GNAS: variants seen among roughly 807,000 people sequenced by gnomAD.
GNAS encodes the protein GNAS complex locus.
In GNAS, 8 loss-of-function variants were observed where a neutral mutation model predicts 54.5. The ratio of observed to expected loss-of-function variants is 0.15; its 90% CI spans 0.09 to 0.26. GNAS has a LOEUF of 0.26. Among genes scored for constraint, GNAS ranks in the 10% least tolerant of loss-of-function variants. The probability of loss-of-function intolerance (pLI) is 1.00; values close to 1 mark genes in which losing one functional copy is unlikely to be tolerated. For missense variants in GNAS, 170 were observed against 529.8 expected, an observed-to-expected ratio of 0.32 and a Z score of 6.67; for synonymous variants, 204 against 191.4, an observed-to-expected ratio of 1.07 and a Z score of -0.54.
rs1195822799 is a variant in GNAS, at chr20:58,853,008, G to GGGCA, written c.43+12124_43+12127dup. The GGGCA allele has an allele frequency of 7.8e-7, 1 of 1,287,938 alleles. No homozygotes were observed. Among genetic ancestry groups the GGGCA allele is most frequent in the African/African-American group, 1.5e-5 (1 of 66,728 alleles). 79.8% of individuals were successfully genotyped at this position (1,287,938 alleles called of 1,614,324 possible). On this transcript the variant is annotated intron_variant, in intron 1 of 12. Transcript: ENST00000306090. The surrounding 1 kb of genome is among the most constrained non-coding windows in gnomAD (Gnocchi z 4.4). ...GATAGACCAAGGAAGAGGGGCTGGG[G>GGGCA]GGCAGCCTGGGGGCATGAAAAGTGG... is the stretch of plus-strand genomic sequence containing the variant.
rs1414830637 is a variant in GNAS at position 58,857,673 on chromosome 20, T to C, written c.43+16787T>C. Among the ~76,000 whole-genome samples the C allele has an allele frequency of 6.6e-6, 1 of 152,000 alleles. No homozygotes were observed. The highest frequency in any genetic ancestry group is 1.5e-5 in the Non-Finnish European group (1 of 67,986). On this transcript the variant is annotated intron_variant, in intron 1 of 12. Coordinates refer to the GNAS transcript ENST00000306090. This position sits in a 1 kb window ranked among gnomAD's most constrained non-coding sequence, Gnocchi z 4.1. ...TTCTATTCTTCCTGGAGGTGGGGGGTGGAGGAGACACAGTCTACTTACATC... is the reference window on the plus strand; with the variant it reads ...TTCTATTCTTCCTGGAGGTGGGGGGCGGAGGAGACACAGTCTACTTACATC...
chr20:58,869,130 C>CG (rs1664702969), intron 1 of GNAS, among the ~76,000 whole-genome samples: 1 of 152,206 alleles, frequency 6.6e-6, no homozygotes, highest in Admixed American at 6.5e-5. Context: ...GGAAAGCACA[C>CG]GATCAGGTAA....
chr20:58,855,497 C>T (rs2086441271), intron 1 of GNAS: 3 of 751,080 alleles, frequency 4.0e-6, no homozygotes, highest in South Asian at 1.5e-5. Flanking sequence ...CCTAACTGCC[C>T]TGGGAGCGGG....
Position 58,841,553 on chromosome 20 carries a change from C to A in GNAS, c.43+667C>A, listed in dbSNP as rs2085728724. On this transcript the variant is annotated intron_variant, in intron 1 of 12. Coordinates refer to the GNAS transcript ENST00000306090. This position sits in a 1 kb window ranked among gnomAD's most constrained non-coding sequence, Gnocchi z 5.0. ...AGCTGCCGTGCGCCAGCCTTGGCCG[C>A]CACAGCCCGCCTCCCGTCGCTCGCG... is the stretch of plus-strand genomic sequence containing the variant. The A allele has an allele frequency of 1.0e-6, 1 of 997,398 alleles. No individual in the cohort carries two copies. The highest frequency in any genetic ancestry group is 1.2e-6 in the Non-Finnish European group (1 of 838,398). 61.8% of individuals were successfully genotyped at this position (997,398 alleles called of 1,614,324 possible).
intron 1 of GNAS, among the ~76,000 whole-genome samples, chr20:58,844,782 T>C (rs1023149148): frequency 6.6e-6 from 1 of 151,162 alleles, no homozygotes; most frequent in Non-Finnish European, 1.5e-5. Context: ...CGGCCTACAG[T>C]GTGAGACTCC....
chr20:58,880,087 T>C (rs754848083), intron 1 of GNAS, among the ~76,000 whole-genome samples: 1 of 152,154 alleles, frequency 6.6e-6, no homozygotes. Flanking sequence ...TTAGACTCTC[T>C]TGGCTGGAAT....
chr20:58,909,820 G>A lies in GNAS; in HGVS notation c.839+16G>A, dbSNP rs776213233. On this transcript the variant is annotated intron_variant, in intron 10 of 12. Transcript: ENST00000371085. The surrounding 1 kb of genome is among the most constrained non-coding windows in gnomAD (Gnocchi z 7.3). ...GGAACAACAGGTTTGTGGAGTGACC[G>A]CCCACCCCCTGCGCTTGCCCAGGAG... 5.0e-6 allele frequency: 8 copies of A among 1,612,626 alleles called. No individual in the cohort carries two copies. The East Asian group carries it at 6.7e-5, about 13-fold the overall frequency.
At position 58,909,356 on chromosome 20, in the gene GNAS, C is replaced by G. The variant is rs2146270243; in HGVS notation, c.592C>G (p.Leu198Val). The change falls in exon 8 of 13, where the codon CTT becomes GTT. Residue 198 changes from leucine (L) to valine (V), a missense_variant. Transcript: ENST00000371085. The surrounding 1 kb of genome is among the most constrained non-coding windows in gnomAD (Gnocchi z 7.3). ...ADYVPSDQDLLRCRVLTSGIF... is the reference protein window; with the variant it reads ...ADYVPSDQDLVRCRVLTSGIF... The stretch of plus-strand genomic sequence containing the variant: ...GACCTCAATTTTGTTTCAGGACCTG[C>G]TTCGCTGCCGTGTCCTGACTTCTGG... The G allele has an allele frequency of 4.3e-6, 7 of 1,613,176 alleles. No individual in the cohort carries two copies. The highest frequency in any genetic ancestry group is 5.9e-6 in the Non-Finnish European group (7 of 1,179,100).
chr20:58,853,091 G>T lies in GNAS; in HGVS notation c.43+12205G>T. ...TTGAGTTGCTTCAGCCTCAGTCTAG[G>T]GTTCCTTCCAGGCCTTGAACCCCCC... On this transcript the variant is annotated intron_variant, in intron 1 of 12. Coordinates refer to the GNAS transcript ENST00000306090. This position sits in a 1 kb window ranked among gnomAD's most constrained non-coding sequence, Gnocchi z 4.4. The T allele has an allele frequency of 2.1e-6, 3 of 1,415,330 alleles. No homozygotes were observed. In the South Asian group the frequency reaches 4.8e-5, roughly 23 times the overall value. 87.7% of individuals were successfully genotyped at this position (1,415,330 alleles called of 1,614,324 possible). A position where few individuals can be genotyped will look rare whatever the true frequency, so the allele number is the denominator to read the frequency against.
In GNAS at chr20:58,910,953, G is replaced by A. The variant is rs761164468; in HGVS notation, c.*124G>A. The A allele has an allele frequency of 3.7e-5, 37 of 994,878 alleles. No individual in the cohort carries two copies. Among genetic ancestry groups the A allele is most frequent in the African/African-American group, 9.5e-5 (6 of 62,976 alleles). The allele number at this position is 994,878 out of a possible 1,614,324, so 61.6% of individuals were successfully genotyped here. On this transcript the variant is annotated 3_prime_UTR_variant, in exon 13 of 13. Coordinates refer to ENST00000371085, the MANE Select transcript of GNAS (RefSeq NM_000516.7). The surrounding 1 kb of genome is among the most constrained non-coding windows in gnomAD (Gnocchi z 5.8). ...AACAAAGCAACCTTTCCCTTCCCCC[G>A]AGTGATTTTGCGAAACCCCCTTTTC... is the stretch of plus-strand genomic sequence containing the variant.
chr20:58,847,575 T>C (rs1568916346), intron 1 of GNAS, among the ~76,000 whole-genome samples: 1 of 152,270 alleles, frequency 6.6e-6, no homozygotes, highest in African/African-American at 2.4e-5. Context: ...TTTCTGCTTT[T>C]ACTTTTTCCT....
At chr20:58,854,841 A>T (rs1334170837) in intron 1 of GNAS, 1 of 1,596,736 alleles carries the variant, frequency 6.3e-7, no homozygotes, top group East Asian at 2.3e-5. Flanking sequence ...CAGACGCAAG[A>T]TCCATCTCAG....
chr20:58,887,773 T>A (rs183765447), upstream of GNAS, among the ~76,000 whole-genome samples: 1 of 152,336 alleles, frequency 6.6e-6, no homozygotes, highest in East Asian at 1.9e-4. Context: ...CTGTTCTTAA[T>A]TCCAAGTGTT....
rs1204534994 is a variant in GNAS at position 58,910,093 on chromosome 20, T to C, written c.970+12T>C. ...TACTCCTGAGGATGGTGTGTATGGCTTCCACTCTTGCTGGCTGTTCATTGC... is the reference window on the plus strand; with the variant it reads ...TACTCCTGAGGATGGTGTGTATGGCCTCCACTCTTGCTGGCTGTTCATTGC... On this transcript the variant is annotated intron_variant, in intron 11 of 12. Coordinates refer to ENST00000371085, the MANE Select transcript of GNAS (RefSeq NM_000516.7). This position sits in a 1 kb window ranked among gnomAD's most constrained non-coding sequence, Gnocchi z 5.8. The C allele has an allele frequency of 6.2e-7, 1 of 1,613,560 alleles. No homozygotes were observed. Among genetic ancestry groups the C allele is most frequent in the African/African-American group, 1.3e-5 (1 of 75,022 alleles).
intron 1 of GNAS, among the ~76,000 whole-genome samples, chr20:58,858,951 A>T (rs955358208): frequency 1.3e-5 from 2 of 152,198 alleles, no homozygotes; most frequent in Non-Finnish European, 2.9e-5. Context: ...AGTAAGATTC[A>T]TGCTTCTCAA....
intron 1 of GNAS, among the ~76,000 whole-genome samples, chr20:58,859,805 T>C (rs1274296363): frequency 6.6e-6 from 1 of 151,944 alleles, no homozygotes; most frequent in Non-Finnish European, 1.5e-5. Context: ...TTTGTATTGT[T>C]AGTAGAGATG....
intron 1 of GNAS, among the ~76,000 whole-genome samples, chr20:58,862,597 G>C (rs2086836703): frequency 6.9e-6 from 1 of 145,318 alleles, no homozygotes; most frequent in Non-Finnish European, 1.5e-5. Context: ...TCTGTTTTTT[G>C]CATTTCTCAT....
Position 58,891,608 on chromosome 20 carries a change from A to C in GNAS, c.-119A>C. ...CCGCCCCGCGCGCTCCTTGCCGAGG[A>C]GCCGAGCCCGCGCCCGGCCCGCCCG... On this transcript the variant is annotated 5_prime_UTR_variant, in exon 1 of 13. Transcript: ENST00000371085. The C allele has an allele frequency of 1.0e-6, 1 of 962,128 alleles. No individual in the cohort carries two copies. Among genetic ancestry groups the C allele is most frequent in the Non-Finnish European group, 1.2e-6 (1 of 819,830 alleles). 59.6% of individuals were successfully genotyped at this position (962,128 alleles called of 1,614,324 possible). A position where few individuals can be genotyped will look rare whatever the true frequency, so the allele number is the denominator to read the frequency against.
intron 2 of GNAS, among the ~76,000 whole-genome samples, chr20:58,896,706 AC>A (rs2090098155): frequency 6.6e-6 from 1 of 152,124 alleles, no homozygotes; most frequent in Non-Finnish European, 1.5e-5. Flanking sequence ...CATTAACCGC[AC>A]TAGATTTCAA....
Sources: allele counts gnomAD v4.1 joint callset (sites outside exome capture counted in the v4.1 genomes callset), GRCh38; gene constraint gnomAD v4.1.1; non-coding constraint Gnocchi (gnomAD v3.1); transcripts MANE v1.5; gene names NCBI Gene and HGNC (gene_info 2026-07-23, HGNC 2026-07-21).